Variants in NUP155 observed in about 807,000 individuals in gnomAD.
The protein encoded by NUP155 is nuclear pore complex protein Nup155.
NUP155 carries 71 observed loss-of-function variants against 180.4 expected under a neutral mutation model. The observed-to-expected ratio is 0.39, with a 90% CI of 0.33 to 0.48. The LOEUF (loss-of-function observed/expected upper bound fraction) is 0.48. NUP155 is among the 20% of genes least tolerant of loss of function. NUP155 has a pLI of 0.91. For missense variants in NUP155, 1,553 were observed against 1,648.9 expected, an observed-to-expected ratio of 0.94 and a Z score of 1.01; for synonymous variants, 582 against 559.5, an observed-to-expected ratio of 1.04 and a Z score of -0.57.
intron 25 of NUP155, 88 bp from the exon 26 acceptor site, chr5:37,305,298 C>A: frequency 2.5e-6 from 3 of 1,197,060 alleles, no homozygotes; most frequent in Non-Finnish European, 3.7e-6. Context: ...GTAATGCCAG[C>A]CATAGGGAAG....
intron 3 of NUP155, among the ~76,000 whole-genome samples, chr5:37,360,820 G>C (rs753998760): frequency 6.6e-6 from 1 of 151,738 alleles, no homozygotes; most frequent in Non-Finnish European, 1.5e-5. Context: ...GCTTACACCT[G>C]TAATCCCAGC....
Position 37,337,819 on chromosome 5 carries a change from T to C in NUP155, c.1346A>G (p.Gln449Arg). 2.5e-6 allele frequency: 4 copies of C among 1,582,812 alleles called. No individual in the cohort carries two copies. Among genetic ancestry groups the C allele is most frequent in the Non-Finnish European group, 3.5e-6 (4 of 1,151,950 alleles). ...FPFQKPMMET[Q>R]MTAGVDGHSW... ...TTCAGAATTGTCAGGATAACTTACC[T>C]GGGTTTCCATCATTGGCTTTTGGAA... Residue 449 changes from glutamine to arginine, a missense_variant and splice_region_variant, in exon 12 of 35, where the codon CAG becomes CGG. By Grantham distance (43) the Gln-to-Arg change is conservative. Transcript: ENST00000231498.
chr5:37,350,733 A>G (rs1746399574), intron 6 of NUP155, among the ~76,000 whole-genome samples: 2 of 146,290 alleles, frequency 1.4e-5, no homozygotes, highest in African/African-American at 2.5e-5. Flanking sequence ...AACCCAGGGG[A>G]TGGAGGTTGC....
chr5:37,341,231 A>G lies in NUP155; in HGVS notation c.1105T>C (p.Tyr369His). 6.2e-7 allele frequency: 1 copy of G among 1,614,024 alleles called. No homozygotes were observed. Among genetic ancestry groups the G allele is most frequent in the Non-Finnish European group, 8.5e-7 (1 of 1,179,858 alleles). Residue 369 changes from tyrosine (Y) to histidine (H), a missense_variant, in exon 11 of 35, where the codon TAT becomes CAT. Tyr to His is a moderately conservative substitution (Grantham distance 83). Coordinates refer to ENST00000231498, the MANE Select transcript of NUP155 (RefSeq NM_153485.3). ...LAVTHAGVRL[Y>H]FSTCPFRQPL... ...TGTCTGAATGGACAAGTGCTAAAAT[A>G]TAACCTAACACCTGAAGATGGGGTA...
At chr5:37,362,725 A>C (rs780252508) in intron 3 of NUP155, among the ~76,000 whole-genome samples, 13 of 152,234 alleles carry the variant, frequency 8.5e-5, no homozygotes, top group Non-Finnish European at 1.9e-4. Flanking sequence ...ATGTTATGGT[A>C]ACATAACAAA....
chr5:37,318,004 C>T lies in NUP155; in HGVS notation c.2289G>A (p.Leu763=). The change falls in exon 21 of 35, where the codon CTG becomes CTA. Residue 763 remains leucine, a synonymous_variant. Coordinates refer to ENST00000231498, the MANE Select transcript of NUP155 (RefSeq NM_153485.3). ...ATAATTTACCATGAAACTTCCTCTGCAGTTCCTGTTGCATTTGCTGGGGAT... is the reference window on the plus strand; with the variant it reads ...ATAATTTACCATGAAACTTCCTCTGTAGTTCCTGTTGCATTTGCTGGGGAT... ...NGNPQQMQQE[L]QRKFHEAQLS... 1.2e-6 allele frequency: 2 copies of T among 1,601,676 alleles called. No individual in the cohort carries two copies. The highest frequency in any genetic ancestry group is 1.7e-6 in the Non-Finnish European group (2 of 1,168,620).
At chr5:37,307,080 C>A (rs957106326) in intron 25 of NUP155, among the ~76,000 whole-genome samples, 1 of 151,682 alleles carries the variant, frequency 6.6e-6, no homozygotes, top group Non-Finnish European at 1.5e-5. Flanking sequence ...CACCTGTAAT[C>A]CCAGCTACAT....
intron 31 of NUP155, 114 bp downstream of exon 31, chr5:37,299,334 A>G: frequency 1.6e-6 from 2 of 1,260,822 alleles, no homozygotes; most frequent in Non-Finnish European, 2.3e-6. Flanking sequence ...TCTTAGGTAT[A>G]CACAATTTTC....
At chr5:37,311,501 T>C (rs1045607963) in intron 22 of NUP155, among the ~76,000 whole-genome samples, 1 of 152,064 alleles carries the variant, frequency 6.6e-6, no homozygotes, top group African/African-American at 2.4e-5. Flanking sequence ...AAAAACAGTA[T>C]GTATTTAAAA....
At chr5:37,349,454 G>T (rs1039005665) in intron 7 of NUP155, among the ~76,000 whole-genome samples, 1 of 152,020 alleles carries the variant, frequency 6.6e-6, no homozygotes, top group African/African-American at 2.4e-5. Flanking sequence ...AAAAACACAT[G>T]CTAAATACTG....
At chr5:37,330,716 G>C (rs1744901205) in intron 14 of NUP155, among the ~76,000 whole-genome samples, 1 of 152,038 alleles carries the variant, frequency 6.6e-6, no homozygotes. Context: ...TTCTTCCTCA[G>C]GTCATTAAGC....
chr5:37,325,489 C>T (rs1303490338), intron 19 of NUP155, among the ~76,000 whole-genome samples: 1 of 152,090 alleles, frequency 6.6e-6, no homozygotes, highest in African/African-American at 2.4e-5. Flanking sequence ...AATAACCCGC[C>T]AGGCGCTGAG....
chr5:37,322,722 A>AC (rs1744329629), intron 20 of NUP155, among the ~76,000 whole-genome samples: 1 of 150,580 alleles, frequency 6.6e-6, no homozygotes, highest in African/African-American at 2.4e-5. Flanking sequence ...AAAAAAAAAA[A>AC]TCCATTATTG....
Position 37,309,168 on chromosome 5 carries a change from G to C in NUP155, c.2728C>G (p.Gln910Glu), listed in dbSNP as rs1012795862. 18 of 1,613,384 alleles carry C rather than the reference G, an allele frequency of 1.1e-5. No individual in the cohort carries two copies. The highest frequency in any genetic ancestry group is 1.5e-5 in the Non-Finnish European group (18 of 1,179,686). Residue 910 changes from glutamine to glutamate, a missense_variant, in exon 24 of 35, where the codon CAA (glutamine) becomes GAA (glutamate). Coordinates refer to ENST00000231498, the MANE Select transcript of NUP155 (RefSeq NM_153485.3). ...SLKEYQKISN[Q>E]VDLSNVCAQY... The stretch of plus-strand genomic sequence containing the variant: ...GCACAAACATTGGAAAGGTCCACTT[G>C]ATTGCTAATTTTTTGATATTCCTTT...
At chr5:37,318,361 G>A (rs1173205057) in intron 20 of NUP155, among the ~76,000 whole-genome samples, 5 of 151,848 alleles carry the variant, frequency 3.3e-5, no homozygotes, top group Non-Finnish European at 5.9e-5. Context: ...AAAAAGAGGG[G>A]GTAAAGGAGA....
At chr5:37,329,826 G>A (rs1744838927) in intron 15 of NUP155, among the ~76,000 whole-genome samples, 1 of 152,230 alleles carries the variant, frequency 6.6e-6, no homozygotes, top group East Asian at 1.9e-4. Context: ...ACAGAATCCA[G>A]AGTTAAAGTA....
At chr5:37,343,181 T>C (rs1054272950) in intron 9 of NUP155, among the ~76,000 whole-genome samples, 1 of 152,058 alleles carries the variant, frequency 6.6e-6, no homozygotes, top group Admixed American at 6.6e-5. Flanking sequence ...TTCACGCCAT[T>C]CTCCTGCCTC....
At chr5:37,356,756 A>G (rs1255229110) in intron 4 of NUP155, among the ~76,000 whole-genome samples, 1 of 152,074 alleles carries the variant, frequency 6.6e-6, no homozygotes, top group African/African-American at 2.4e-5. Flanking sequence ...AATAAGTTAA[A>G]CAATGCTTGT....
intron 6 of NUP155, 147 bp from the exon 7 acceptor site, chr5:37,350,412 C>T: frequency 1.6e-6 from 1 of 629,442 alleles, no homozygotes; most frequent in East Asian, 2.7e-5. Context: ...CAAAACGAGA[C>T]ATATTATTCA....
Sources: allele counts gnomAD v4.1 joint callset (sites outside exome capture counted in the v4.1 genomes callset), GRCh38; gene constraint gnomAD v4.1.1; transcripts MANE v1.5; gene names NCBI Gene and HGNC (gene_info 2026-07-23, HGNC 2026-07-21).